Variants in NELL2 observed in about 807,000 individuals in gnomAD.
The protein encoded by NELL2 is protein kinase C-binding protein NELL2.
Under a neutral mutation model 109.6 loss-of-function variants are expected in NELL2, and 41 were observed. The ratio of observed to expected loss-of-function variants is 0.37; its 90% confidence interval spans 0.29 to 0.49. The LOEUF is 0.49. NELL2 is among the 20% of genes least tolerant of loss of function. NELL2 has a pLI of 0.98. For missense variants in NELL2, 900 were observed against 1,008.3 expected (o/e 0.89, Z 1.45); for synonymous variants, 355 against 344.7 (o/e 1.03, Z -0.33).
chr12:44,530,487 G>C (rs1592075324), intron 16 of NELL2, among the ~76,000 whole-genome samples: 1 of 152,322 alleles, frequency 6.6e-6, no homozygotes, highest in East Asian at 1.9e-4. Flanking sequence ...GATGGCCCCA[G>C]TGATCCTCAC....
intron 13 of NELL2, among the ~76,000 whole-genome samples, chr12:44,655,646 C>T (rs1476779724): frequency 1.3e-5 from 2 of 152,154 alleles, no homozygotes; most frequent in Non-Finnish European, 2.9e-5. Context: ...ATTAACCCTT[C>T]CTGGTAACCA....
intron 15 of NELL2, among the ~76,000 whole-genome samples, chr12:44,604,334 T>A (rs1441434977): frequency 1.3e-5 from 2 of 152,022 alleles, no homozygotes; most frequent in Admixed American, 1.3e-4. Context: ...AGACCCAAGT[T>A]CTAGAATGTA....
chr12:44,907,412 A>T (rs182624410), intron 1 of NELL2, among the ~76,000 whole-genome samples: 11 of 152,252 alleles, frequency 7.2e-5, no homozygotes, highest in Non-Finnish European at 1.3e-4. Context: ...AAACCAAAAA[A>T]CAGTGGTGTC....
chr12:44,879,097 T>C (rs1365556090), upstream of NELL2, among the ~76,000 whole-genome samples: 1 of 152,096 alleles, frequency 6.6e-6, no homozygotes. Flanking sequence ...TGAGAAGAAC[T>C]CGACTTCCTG....
At chr12:44,555,277 A>G (rs531737093) in intron 15 of NELL2, among the ~76,000 whole-genome samples, 71 of 152,268 alleles carry the variant, frequency 4.7e-4, no homozygotes, top group African/African-American at 1.4e-3. Flanking sequence ...TTCCCTCTGA[A>G]TACAGTGCTT....
intron 13 of NELL2, among the ~76,000 whole-genome samples, chr12:44,640,747 T>C (rs75277311): frequency 0.08 from 12,163 of 152,150 alleles, 571 homozygotes; most frequent in Non-Finnish European, 0.1. Flanking sequence ...TTTGATACAA[T>C]CTATAATATC....
At chr12:44,735,229 T>C (rs1031617918) in intron 9 of NELL2, among the ~76,000 whole-genome samples, 1 of 152,198 alleles carries the variant, frequency 6.6e-6, no homozygotes, top group Non-Finnish European at 1.5e-5. Flanking sequence ...TTGTAGTCTG[T>C]TTCTGTTGTC....
chr12:44,534,567 G>A (rs1239775311), intron 15 of NELL2, among the ~76,000 whole-genome samples: 1 of 152,092 alleles, frequency 6.6e-6, no homozygotes, highest in East Asian at 1.9e-4. Context: ...TTCCCTAACT[G>A]ATGAACCTCT....
At chr12:44,809,549 C>T (rs543158836) in intron 3 of NELL2, among the ~76,000 whole-genome samples, 1 of 152,154 alleles carries the variant, frequency 6.6e-6, no homozygotes, top group South Asian at 2.1e-4. Flanking sequence ...ACTCTTTTTA[C>T]ACTGTGCTCA....
intron 15 of NELL2, among the ~76,000 whole-genome samples, chr12:44,579,331 C>T (rs1944239522): frequency 6.6e-6 from 1 of 152,092 alleles, no homozygotes; most frequent in Non-Finnish European, 1.5e-5. Context: ...AGATTATGTT[C>T]CCCCAAATCA....
intron 13 of NELL2, among the ~76,000 whole-genome samples, chr12:44,629,387 G>A (rs1163639606): frequency 2.0e-5 from 3 of 152,092 alleles, no homozygotes; most frequent in African/African-American, 4.8e-5. Context: ...ATTTTTAAAG[G>A]AATTAAAATA....
At chr12:44,892,760 T>A (rs145648183) in intron 1 of NELL2, among the ~76,000 whole-genome samples, 2,101 of 128,720 alleles carry the variant, frequency 0.016, 49 homozygotes, top group African/African-American at 0.06. Flanking sequence ...ATCGCACCAC[T>A]GCACTCCAGG....
intron 9 of NELL2, among the ~76,000 whole-genome samples, chr12:44,737,880 G>A (rs1592429556): frequency 1.4e-5 from 2 of 140,046 alleles, no homozygotes; most frequent in East Asian, 2.0e-4. Flanking sequence ...AAGGGCAAAC[G>A]GTTGGCTGCA....
rs1054233988 is a variant in NELL2, at chr12:44,909,776, T to A, written c.38+4023A>T. ...ACACACACACACACACACATATATA[T>A]ACACACACACAGCAATGGAACAGAC... On this transcript the variant is annotated intron_variant, in intron 1 of 20. Coordinates refer to the NELL2 transcript ENST00000333837. Among the ~76,000 whole-genome samples, 3 of 144,658 alleles carry A rather than the reference T, an allele frequency of 2.1e-5. No individual in the cohort carries two copies. In the South Asian group the frequency reaches 6.4e-4, roughly 31 times the overall value. 94.9% of individuals were successfully genotyped at this position (144,658 alleles called of 152,430 possible). A position where few individuals can be genotyped will look rare whatever the true frequency, so the allele number is the denominator to read the frequency against.
At chr12:44,846,211 G>A (rs934278144) in intron 2 of NELL2, among the ~76,000 whole-genome samples, 4 of 152,194 alleles carry the variant, frequency 2.6e-5, no homozygotes, top group African/African-American at 7.2e-5. Flanking sequence ...GGTTCATTAC[G>A]CAAGTGTATA....
chr12:44,690,818 A>G (rs1276550831), intron 12 of NELL2, among the ~76,000 whole-genome samples: 1 of 152,196 alleles, frequency 6.6e-6, no homozygotes, highest in East Asian at 1.9e-4. Context: ...GAGTCTCTAT[A>G]TTATTTCTGA....
chr12:44,602,775 G>A (rs1945265506), intron 15 of NELL2, among the ~76,000 whole-genome samples: 1 of 151,438 alleles, frequency 6.6e-6, no homozygotes, highest in South Asian at 2.1e-4. Flanking sequence ...ACATATTTCT[G>A]GAAAAAATAT....
intron 11 of NELL2, among the ~76,000 whole-genome samples, chr12:44,707,210 T>C (rs185816035): frequency 5.1e-4 from 77 of 152,292 alleles, no homozygotes; most frequent in African/African-American, 1.7e-3. Context: ...TCCACTGGCC[T>C]GGACACAACA....
chr12:44,661,306 C>CT (rs1434912280), intron 13 of NELL2, among the ~76,000 whole-genome samples: 1 of 152,206 alleles, frequency 6.6e-6, no homozygotes, highest in African/African-American at 2.4e-5. Flanking sequence ...AGCACTTGTC[C>CT]TTTGGGTCAC....
Sources: allele counts gnomAD v4.1 joint callset (sites outside exome capture counted in the v4.1 genomes callset), GRCh38; gene constraint gnomAD v4.1.1; transcripts MANE v1.5; gene names NCBI Gene and HGNC (gene_info 2026-07-23, HGNC 2026-07-21).